ARFGEF2: variants seen among roughly 807,000 people sequenced by gnomAD.
ARFGEF2 encodes the protein brefeldin A-inhibited guanine nucleotide-exchange protein 2.
In ARFGEF2, 74 loss-of-function variants were observed where a neutral mutation model predicts 219.9. That is an observed-to-expected ratio of 0.34 (90% confidence interval 0.28 to 0.41). The LOEUF is 0.41. Among genes scored for constraint, ARFGEF2 ranks in the 10% least tolerant of loss-of-function variants. The pLI is 1.00. For synonymous variants in ARFGEF2, 733 were observed against 799.2 expected (o/e 0.92, Z 1.40); for missense variants, 1,743 against 2,218.3 (o/e 0.79, Z 4.30).
At chr20:48,975,900 G>A in intron 13 of ARFGEF2, 116 bp from the exon 14 acceptor site, 3 of 869,942 alleles carry the variant, frequency 3.4e-6, no homozygotes, top group Non-Finnish European at 5.7e-6. Context: ...AATCCTTATA[G>A]TATTGACTTG....
At chr20:49,010,756 C>T (rs930634812) in intron 27 of ARFGEF2, among the ~76,000 whole-genome samples, 4 of 152,164 alleles carry the variant, frequency 2.6e-5, no homozygotes, top group Admixed American at 6.6e-5. Context: ...TGGTGGATTC[C>T]GTGTGTATAC....
chr20:48,977,426 G>A (rs531125760), intron 14 of ARFGEF2, among the ~76,000 whole-genome samples: 49 of 152,220 alleles, frequency 3.2e-4, no homozygotes, highest in Admixed American at 2.5e-3. Context: ...GAATAGTGCC[G>A]CAATAAACAT....
chr20:48,985,289 G>T, intron 15 of ARFGEF2, 119 bp from the exon 16 acceptor site: 2 of 1,073,782 alleles, frequency 1.9e-6, no homozygotes, highest in South Asian at 1.3e-5. Context: ...TTTTTTACCA[G>T]TCCAGCCTAT....
At chr20:49,015,666 A>G (rs1430819803) in intron 30 of ARFGEF2, among the ~76,000 whole-genome samples, 1 of 152,212 alleles carries the variant, frequency 6.6e-6, no homozygotes, top group African/African-American at 2.4e-5. Context: ...CTCTGTAGCC[A>G]TTTACACTTC....
chr20:48,967,415 A>G (rs1332548886), intron 8 of ARFGEF2, among the ~76,000 whole-genome samples: 1 of 152,232 alleles, frequency 6.6e-6, no homozygotes, highest in East Asian at 1.9e-4. Flanking sequence ...CCTTATAGAT[A>G]ACTCTTAATT....
intron 21 of ARFGEF2, among the ~76,000 whole-genome samples, chr20:48,992,274 T>C (rs1302792643): frequency 6.6e-6 from 1 of 152,238 alleles, no homozygotes; most frequent in Non-Finnish European, 1.5e-5. Context: ...GTCTGAGAAA[T>C]AGAATTATGG....
rs988460747 is a variant in ARFGEF2, at chr20:49,032,030, C to T, written c.5064-19C>T. ...TTAATCAATTGTTTGATATGCCTCC[C>T]CCTCTCTAATTCTTCTAGTGTTTGC... On this transcript the variant is annotated intron_variant, in intron 37 of 38. Coordinates refer to ENST00000371917, the MANE Select transcript of ARFGEF2 (RefSeq NM_006420.3). The T allele has an allele frequency of 1.3e-6, 2 of 1,523,564 alleles. No individual in the cohort carries two copies. Among genetic ancestry groups the T allele is most frequent in the African/African-American group, 2.7e-5 (2 of 73,174 alleles). 94.4% of individuals were successfully genotyped at this position (1,523,564 alleles called of 1,614,324 possible). A position where few individuals can be genotyped will look rare whatever the true frequency, so the allele number is the denominator to read the frequency against.
rs2091079134 is a variant in ARFGEF2, at chr20:48,952,759, C to T, written c.478C>T (p.Leu160=). Residue 160 remains leucine (L), a synonymous_variant, in exon 5 of 39, where the codon CTG becomes TTG. Coordinates refer to ENST00000371917, the MANE Select transcript of ARFGEF2 (RefSeq NM_006420.3). The stretch of plus-strand genomic sequence containing the variant: ...CATTGAAATTCATGAGGGTACTATC[C>T]TGCAGACAGTGAGAACATGTTACAA... ...PHIEIHEGTI[L]QTVRTCYNIY... 1 of 1,614,206 alleles carries T rather than the reference C, an allele frequency of 6.2e-7. No homozygotes were observed. Among genetic ancestry groups the T allele is most frequent in the Non-Finnish European group, 8.5e-7 (1 of 1,180,038 alleles).
rs146960510 is a variant in ARFGEF2, at chr20:48,991,081, C to G, written c.2856C>G (p.Ser952=). Residue 952 remains serine, a synonymous_variant, in exon 21 of 39, where the codon TCC becomes TCG. Transcript: ENST00000371917. ...DAYVQALARF[S]LLTASSSITE... ...ATGTTCAGGCTCTTGCTCGCTTCTCCCTACTCACAGCCAGCTCCAGCATCA... is the reference window on the plus strand; with the variant it reads ...ATGTTCAGGCTCTTGCTCGCTTCTCGCTACTCACAGCCAGCTCCAGCATCA... 4.3e-6 allele frequency: 7 copies of G among 1,614,132 alleles called. No individual in the cohort carries two copies. The highest frequency in any genetic ancestry group is 5.9e-6 in the Non-Finnish European group (7 of 1,180,008).
chr20:48,943,697 A>G (rs2091007517), intron 3 of ARFGEF2, among the ~76,000 whole-genome samples: 1 of 152,164 alleles, frequency 6.6e-6, no homozygotes, highest in Non-Finnish European at 1.5e-5. Context: ...CAGCCTCCCA[A>G]GTAGTTGGGA....
chr20:48,959,011 T>A (rs1412104258), intron 6 of ARFGEF2, among the ~76,000 whole-genome samples: 1 of 152,204 alleles, frequency 6.6e-6, no homozygotes, highest in Non-Finnish European at 1.5e-5. Context: ...TTGGGTTTTT[T>A]AAATAGAAGC....
chr20:49,004,466 G>C (rs2091444316), intron 25 of ARFGEF2, among the ~76,000 whole-genome samples: 1 of 151,878 alleles, frequency 6.6e-6, no homozygotes, highest in South Asian at 2.1e-4. Flanking sequence ...TAGAAAAATT[G>C]GGTATAGTTG....
intron 26 of ARFGEF2, among the ~76,000 whole-genome samples, chr20:49,005,486 C>A (rs1293667519): frequency 6.6e-6 from 1 of 152,078 alleles, no homozygotes; most frequent in Non-Finnish European, 1.5e-5. Context: ...CACCTGTAAT[C>A]CCAACACTTT....
At chr20:48,960,603 C>A (rs2091141877) in intron 6 of ARFGEF2, among the ~76,000 whole-genome samples, 1 of 151,860 alleles carries the variant, frequency 6.6e-6, no homozygotes, top group Non-Finnish European at 1.5e-5. Flanking sequence ...CCTGCCTCAG[C>A]CTCCCGAGTA....
intron 23 of ARFGEF2, among the ~76,000 whole-genome samples, chr20:48,996,896 C>T (rs1008479474): frequency 3.3e-5 from 5 of 151,704 alleles, no homozygotes; most frequent in Admixed American, 6.6e-5. Flanking sequence ...AAAGAAGCTT[C>T]GTACTTATTA....
intron 7 of ARFGEF2, 53 bp from the exon 8 acceptor site, chr20:48,965,819 T>C (rs1431313159): frequency 6.2e-7 from 1 of 1,610,862 alleles, no homozygotes; most frequent in Non-Finnish European, 8.5e-7. Flanking sequence ...CAGGCAGCCC[T>C]TTAGGGTAAG....
At chr20:48,946,451 C>T (rs2091027474) in intron 3 of ARFGEF2, among the ~76,000 whole-genome samples, 1 of 151,292 alleles carries the variant, frequency 6.6e-6, no homozygotes, top group East Asian at 1.9e-4. Flanking sequence ...AAGTAGTCCC[C>T]AAGTTTTTCT....
At chr20:48,926,521 C>T (rs2090877853) in intron 1 of ARFGEF2, among the ~76,000 whole-genome samples, 2 of 150,908 alleles carry the variant, frequency 1.3e-5, no homozygotes, top group South Asian at 4.2e-4. Context: ...TGGTGGGGTG[C>T]GATCTCAGGT....
At position 49,010,296 on chromosome 20, in the gene ARFGEF2, A is replaced by G; in HGVS notation, c.3649A>G (p.Asn1217Asp). The change falls in exon 27 of 39, where the codon AAC (asparagine) becomes GAC (aspartate). Residue 1217 changes from asparagine to aspartate, a missense_variant. Coordinates refer to ENST00000371917, the MANE Select transcript of ARFGEF2 (RefSeq NM_006420.3). ...IAQMVNSQAANIRSGWKNIFA... is the reference protein window; with the variant it reads ...IAQMVNSQAADIRSGWKNIFA... ...CCAGATGGTGAACTCCCAGGCGGCC[A>G]ACATCCGCTCAGGTTGGAAGAACAT... 1 of 1,614,166 alleles carries G rather than the reference A, an allele frequency of 6.2e-7. No homozygotes were observed. Among genetic ancestry groups the G allele is most frequent in the East Asian group, 2.2e-5 (1 of 44,894 alleles).
Sources: allele counts gnomAD v4.1 joint callset (sites outside exome capture counted in the v4.1 genomes callset), GRCh38; gene constraint gnomAD v4.1.1; transcripts MANE v1.5; gene names NCBI Gene and HGNC (gene_info 2026-07-23, HGNC 2026-07-21).